The following IQSEC1 variants were observed in gnomAD, a reference collection of about 807,000 sequenced individuals.
IQSEC1 encodes IQ motif and Sec7 domain ArfGEF 1.
IQSEC1 carries 31 observed loss-of-function variants against 91.0 expected under a neutral mutation model. The ratio of observed to expected loss-of-function variants is 0.34; its 90% CI spans 0.26 to 0.46. IQSEC1 has a LOEUF of 0.46. Among genes scored for constraint, IQSEC1 ranks in the 20% least tolerant of loss-of-function variants. The pLI is 1.00. For synonymous variants in IQSEC1, 699 were observed against 662.6 expected, an observed-to-expected ratio of 1.05 and a Z score of -0.84; for missense variants, 1,388 against 1,575.6, an observed-to-expected ratio of 0.88 and a Z score of 2.02.
intron 2 of IQSEC1, among the ~76,000 whole-genome samples, chr3:13,102,057 C>T (rs992960137): frequency 3.3e-5 from 5 of 151,974 alleles, no homozygotes; most frequent in African/African-American, 9.6e-5. Flanking sequence ...GCAAGTGGAT[C>T]GCTTGAGCCC....
intron 1 of IQSEC1, among the ~76,000 whole-genome samples, chr3:13,025,035 T>C (rs2648701): frequency 0.93 from 141,207 of 152,306 alleles, 65,660 homozygotes; most frequent in African/African-American, 0.98. Flanking sequence ...CATGGCCAGT[T>C]CTTGAAGTGA....
intron 1 of IQSEC1, among the ~76,000 whole-genome samples, chr3:12,978,838 A>G (rs1005342394): frequency 2.0e-5 from 3 of 152,190 alleles, no homozygotes; most frequent in East Asian, 1.9e-4. Context: ...CATTCAGGGA[A>G]GGCTTCCTGT....
At chr3:13,055,341 G>A (rs1217740179) in intron 1 of IQSEC1, among the ~76,000 whole-genome samples, 1 of 152,242 alleles carries the variant, frequency 6.6e-6, no homozygotes, top group Admixed American at 6.5e-5. Context: ...GTGTCATGAG[G>A]AGTTGGTCTA....
rs1209209530 is a variant in IQSEC1 at position 12,940,029 on chromosome 3, GC to G, written c.318+1541del. Among the ~76,000 whole-genome samples, 1 of 152,184 alleles carries G rather than the reference GC, an allele frequency of 6.6e-6. No homozygotes were observed. Among genetic ancestry groups the G allele is most frequent in the Non-Finnish European group, 1.5e-5 (1 of 68,026 alleles). On this transcript the variant is annotated intron_variant, in intron 2 of 13. Coordinates refer to ENST00000613206, the MANE Select transcript of IQSEC1 (RefSeq NM_001134382.3). The surrounding 1 kb of genome is among the most constrained non-coding windows in gnomAD (Gnocchi z 4.4). ...AAATGAATAGCTGCAGTCCTATTAG[GC>G]CCACAGTAAGCATATAATTCTCTTC... is the stretch of plus-strand genomic sequence containing the variant.
At chr3:13,202,845 G>A (rs116270492) in intron 1 of IQSEC1, among the ~76,000 whole-genome samples, 2,351 of 152,316 alleles carry the variant, frequency 0.015, 33 homozygotes, top group Non-Finnish European at 0.021. Flanking sequence ...GTGAGGGCTG[G>A]AAAGAGTCAT....
At chr3:12,902,132 G>C (rs1694381790) in intron 13 of IQSEC1, among the ~76,000 whole-genome samples, 1 of 152,210 alleles carries the variant, frequency 6.6e-6, no homozygotes, top group Admixed American at 6.5e-5. Context: ...GAAAAAGAAG[G>C]TAACAGAAAA....
Position 13,211,781 on chromosome 3 carries a change from C to T in IQSEC1, c.273-47648G>A, listed in dbSNP as rs1445524206. On this transcript the variant is annotated intron_variant, in intron 1 of 15. Coordinates refer to the IQSEC1 transcript ENST00000648114. This position sits in a 1 kb window ranked among gnomAD's most constrained non-coding sequence, Gnocchi z 5.3. ...TTCCTGGAAGGCCCTCTCTCCCTGC[C>T]CCCATCCTGGCAGATGAAATCCCTA... Among the ~76,000 whole-genome samples the T allele has an allele frequency of 6.6e-6, 1 of 152,196 alleles. No individual in the cohort carries two copies. Among genetic ancestry groups the T allele is most frequent in the Admixed American group, 6.5e-5 (1 of 15,280 alleles).
intron 2 of IQSEC1, among the ~76,000 whole-genome samples, chr3:13,086,576 C>G (rs1241383231): frequency 6.6e-6 from 1 of 152,186 alleles, no homozygotes; most frequent in Non-Finnish European, 1.5e-5. Flanking sequence ...ACCCATCCCG[C>G]CAGCTTCCCA....
chr3:13,163,754 G>T (rs1158732547), intron 2 of IQSEC1, among the ~76,000 whole-genome samples: 1 of 152,130 alleles, frequency 6.6e-6, no homozygotes, highest in Admixed American at 6.5e-5. Flanking sequence ...CAGCCCCAGG[G>T]GTGTCAGGTA....
At chr3:13,099,374 C>T (rs781298724) in intron 2 of IQSEC1, among the ~76,000 whole-genome samples, 6 of 152,202 alleles carry the variant, frequency 3.9e-5, no homozygotes, top group Non-Finnish European at 7.3e-5. Flanking sequence ...TTTAAATCAG[C>T]AAGAGTTGCA....
rs145816431 is a variant in IQSEC1 at position 12,986,403 on chromosome 3, C to A, written c.24-44538G>T. Among the ~76,000 whole-genome samples, 203 of 152,368 alleles carry A rather than the reference C, an allele frequency of 1.3e-3. 1 individual carries two copies. The South Asian group carries it at 0.014, about 10-fold the overall frequency. ...AGCCTGCAGCTTCCTTGGGGTCACA[C>A]AGGCAGACTACTGAGATGCAGGTGG... is the stretch of plus-strand genomic sequence containing the variant. On this transcript the variant is annotated intron_variant, in intron 1 of 13. Coordinates refer to ENST00000613206, the MANE Select transcript of IQSEC1 (RefSeq NM_001134382.3).
chr3:13,216,232 C>T (rs968642528), intron 1 of IQSEC1, among the ~76,000 whole-genome samples: 1 of 152,266 alleles, frequency 6.6e-6, no homozygotes, highest in South Asian at 2.1e-4. Flanking sequence ...AATAACAGCA[C>T]CCATGCAGTG....
In IQSEC1 at chr3:13,267,566, C is replaced by T. The variant is rs1309427065; in HGVS notation, c.272+15145G>A. On this transcript the variant is annotated intron_variant, in intron 1 of 15. Coordinates refer to the IQSEC1 transcript ENST00000648114. Reference sequence around the variant, plus strand: ...AAAACGGAGATTAAACAAGTCCCCCCAGCCCTGTGCCCTTCTGGGGCCAGA... The same window carrying T: ...AAAACGGAGATTAAACAAGTCCCCCTAGCCCTGTGCCCTTCTGGGGCCAGA... Among the ~76,000 whole-genome samples the T allele has an allele frequency of 2.6e-5, 4 of 152,136 alleles. No homozygotes were observed. In the South Asian group the frequency reaches 8.3e-4, roughly 32 times the overall value.
At chr3:13,131,063 A>AGGAAGGAAGGAAGGAG (rs929185572) in intron 2 of IQSEC1, among the ~76,000 whole-genome samples, 2 of 150,804 alleles carry the variant, frequency 1.3e-5, no homozygotes, top group African/African-American at 4.9e-5. Context: ...GAAGGAAGGA[A>AGGAAGGAAGGAAGGAG]GGAGGGAGGG....
chr3:13,159,385 C>T (rs1576276321), intron 2 of IQSEC1, among the ~76,000 whole-genome samples: 1 of 152,120 alleles, frequency 6.6e-6, no homozygotes. Flanking sequence ...GCCGAGATCA[C>T]GTCACTGCAC....
chr3:13,022,534 AGGG>A, intron 1 of IQSEC1: 1 of 897,032 alleles, frequency 1.1e-6, no homozygotes, highest in South Asian at 5.1e-5. Flanking sequence ...GCCGGAGCCC[AGGG>A]GCTGGCCCTG....
At chr3:13,169,144 G>A (rs1388658882) in intron 1 of IQSEC1, among the ~76,000 whole-genome samples, 1 of 152,216 alleles carries the variant, frequency 6.6e-6, no homozygotes. Flanking sequence ...CGTGTTGTGG[G>A]AGGGACCCAG....
intron 1 of IQSEC1, among the ~76,000 whole-genome samples, chr3:13,240,904 C>T (rs1695010947): frequency 1.3e-5 from 2 of 152,182 alleles, no homozygotes; most frequent in Non-Finnish European, 2.9e-5. Flanking sequence ...CCACACTGGA[C>T]TACAGTCATT....
chr3:13,242,879 G>A (rs911523006), intron 1 of IQSEC1, among the ~76,000 whole-genome samples: 9 of 151,908 alleles, frequency 5.9e-5, no homozygotes, highest in Admixed American at 6.6e-5. Flanking sequence ...AGGAGGGGGA[G>A]GGTGAGGAAA....
Sources: allele counts gnomAD v4.1 joint callset (sites outside exome capture counted in the v4.1 genomes callset), GRCh38; gene constraint gnomAD v4.1.1; non-coding constraint Gnocchi (gnomAD v3.1); transcripts MANE v1.5; gene names NCBI Gene and HGNC (gene_info 2026-07-23, HGNC 2026-07-21).